AKAP6: variants seen among roughly 807,000 people sequenced by gnomAD.
AKAP6 encodes A-kinase anchor protein 6.
A neutral mutation model predicts 188.5 loss-of-function variants in AKAP6; 58 were observed. The ratio of observed to expected loss-of-function variants is 0.31; its 90% CI spans 0.25 to 0.38. The LOEUF (loss-of-function observed/expected upper bound fraction) is 0.38. AKAP6 is among the 10% of genes least tolerant of loss of function. The pLI, the probability that AKAP6 is intolerant of heterozygous loss-of-function variation, is 1.00. For missense variants in AKAP6, 2,710 were observed against 2,740.0 expected, an observed-to-expected ratio of 0.99 and a Z score of 0.24; for synonymous variants, 989 against 998.6, an observed-to-expected ratio of 0.99 and a Z score of 0.18.
At chr14:32,662,531 T>C (rs1430762876) in intron 7 of AKAP6, among the ~76,000 whole-genome samples, 1 of 152,142 alleles carries the variant, frequency 6.6e-6, no homozygotes, top group Non-Finnish European at 1.5e-5. Context: ...AACTTTTTCC[T>C]CTATTCACTA....
In AKAP6 at chr14:32,568,097, C is replaced by G. The variant is rs1174000878; in HGVS notation, c.2347-9023C>G. Among the ~76,000 whole-genome samples, 2 of 152,058 alleles carry G rather than the reference C, an allele frequency of 1.3e-5. No homozygotes were observed. Among genetic ancestry groups the G allele is most frequent in the Non-Finnish European group, 2.9e-5 (2 of 68,002 alleles). On this transcript the variant is annotated intron_variant, in intron 4 of 13. Coordinates refer to ENST00000280979, the MANE Select transcript of AKAP6 (RefSeq NM_004274.5). This position sits in a 1 kb window ranked among gnomAD's most constrained non-coding sequence, Gnocchi z 6.2. Reference sequence around the variant, plus strand: ...GAGCACAGAGTACAGGAAGAATGATCTAAAATAGGGCTCTGATAGGAATGA... The same window carrying G: ...GAGCACAGAGTACAGGAAGAATGATGTAAAATAGGGCTCTGATAGGAATGA...
intron 9 of AKAP6, among the ~76,000 whole-genome samples, chr14:32,716,552 G>A (rs1010462785): frequency 6.7e-6 from 1 of 148,716 alleles, no homozygotes; most frequent in African/African-American, 2.5e-5. Flanking sequence ...TATATACTAT[G>A]TACTCTCTCT....
rs1891378793 is a variant in AKAP6, at chr14:32,462,900, G to GC, written c.324+29084dup. Among the ~76,000 whole-genome samples the GC allele has an allele frequency of 9.9e-4, 7 of 7,038 alleles. No homozygotes were observed. The South Asian group carries it at 0.03, about 30-fold the overall frequency. The allele number at this position is 7,038 out of a possible 152,430, so 4.6% of individuals were successfully genotyped here. A position where few individuals can be genotyped will look rare whatever the true frequency, so the allele number is the denominator to read the frequency against. Reference sequence around the variant, plus strand: ...GGAATATTTACCAAGCAAATGGAAAGCAAAAAAAAAAAAAAAAAAAAAAAA... The same window carrying GC: ...GGAATATTTACCAAGCAAATGGAAAGCCAAAAAAAAAAAAAAAAAAAAAAAA... On this transcript the variant is annotated intron_variant, in intron 2 of 13. Transcript: ENST00000280979.
At chr14:32,558,249 C>T (rs908902059) in intron 4 of AKAP6, among the ~76,000 whole-genome samples, 1 of 152,116 alleles carries the variant, frequency 6.6e-6, no homozygotes, top group Non-Finnish European at 1.5e-5. Context: ...ACTGTAGAAA[C>T]TCTGAATACT....
chr14:32,592,727 G>A (rs1324538880), intron 5 of AKAP6, among the ~76,000 whole-genome samples: 1 of 152,090 alleles, frequency 6.6e-6, no homozygotes, highest in Non-Finnish European at 1.5e-5. Context: ...TTGCATTATT[G>A]CAGTATGCCA....
chr14:32,391,027 G>A (rs575549594), intron 1 of AKAP6, among the ~76,000 whole-genome samples: 1 of 152,208 alleles, frequency 6.6e-6, no homozygotes, highest in East Asian at 1.9e-4. Flanking sequence ...AGGTACCAGT[G>A]CAGGCTGCTT....
intron 12 of AKAP6, among the ~76,000 whole-genome samples, chr14:32,778,393 G>A (rs142109052): frequency 7.9e-5 from 12 of 151,668 alleles, no homozygotes; most frequent in East Asian, 1.9e-4. Flanking sequence ...GAAGTCAAAC[G>A]TATGACAACA....
intron 7 of AKAP6, among the ~76,000 whole-genome samples, chr14:32,655,363 T>C (rs1221395404): frequency 6.6e-6 from 1 of 152,200 alleles, no homozygotes; most frequent in East Asian, 1.9e-4. Context: ...TTAAACCATA[T>C]GGTATATTTG....
chr14:32,648,480 T>C (rs1888073633), intron 7 of AKAP6, among the ~76,000 whole-genome samples: 1 of 152,082 alleles, frequency 6.6e-6, no homozygotes, highest in African/African-American at 2.4e-5. Context: ...TCCTTTCTTG[T>C]TTATTACACT....
chr14:32,661,482 G>T (rs1226720093), intron 7 of AKAP6, among the ~76,000 whole-genome samples: 2 of 152,108 alleles, frequency 1.3e-5, no homozygotes, highest in Non-Finnish European at 2.9e-5. Flanking sequence ...CAGAATCAGT[G>T]TCATTCCTGG....
intron 7 of AKAP6, 84 bp from the exon 8 acceptor site, chr14:32,678,227 T>C: frequency 1.4e-6 from 2 of 1,402,788 alleles, no homozygotes; most frequent in Non-Finnish European, 1.9e-6. Context: ...TGTGAAGAAT[T>C]CCCATTCTTT....
intron 9 of AKAP6, among the ~76,000 whole-genome samples, chr14:32,701,555 C>G (rs890527349): frequency 6.6e-6 from 1 of 151,394 alleles, no homozygotes; most frequent in Non-Finnish European, 1.5e-5. Context: ...AATATAAATA[C>G]GTGTGGAATA....
intron 8 of AKAP6, among the ~76,000 whole-genome samples, chr14:32,695,660 A>C (rs960494701): frequency 6.6e-6 from 1 of 152,190 alleles, no homozygotes; most frequent in Non-Finnish European, 1.5e-5. Context: ...CAGTCTATTA[A>C]ATGGCAGTGC....
chr14:32,337,141 C>T (rs1886729669), intron 1 of AKAP6, among the ~76,000 whole-genome samples: 1 of 152,156 alleles, frequency 6.6e-6, no homozygotes, highest in Admixed American at 6.6e-5. Context: ...ATAACTGAAA[C>T]AGCAGGGGAG....
chr14:32,502,180 T>G (rs1880639505), intron 2 of AKAP6, among the ~76,000 whole-genome samples: 1 of 152,132 alleles, frequency 6.6e-6, no homozygotes, highest in African/African-American at 2.4e-5. Flanking sequence ...CTTAGAAGAA[T>G]AGTAACAGAA....
chr14:32,477,013 C>T (rs2138883147), intron 2 of AKAP6, among the ~76,000 whole-genome samples: 1 of 152,272 alleles, frequency 6.6e-6, no homozygotes, highest in South Asian at 2.1e-4. Context: ...GGAGATGAAG[C>T]TTTATCTAAA....
intron 1 of AKAP6, among the ~76,000 whole-genome samples, chr14:32,353,429 C>T (rs1236661703): frequency 4.6e-5 from 7 of 152,012 alleles, no homozygotes; most frequent in Non-Finnish European, 5.9e-5. Flanking sequence ...GGTGTGGTGG[C>T]GGGCGCCTGT....
rs143077566 is a variant in AKAP6 at position 32,640,991 on chromosome 14, T to C, written c.2731-37320T>C. Among the ~76,000 whole-genome samples, 115 of 152,278 alleles carry C rather than the reference T, an allele frequency of 7.6e-4. 1 individual carries two copies. Among genetic ancestry groups the C allele is most frequent in the Middle Eastern group, 3.4e-3 (1 of 294 alleles). ...GATGTGTTTTCATAAACTACTGCAA[T>C]TGGATGTACCACCTAGAGAATCCTC... On this transcript the variant is annotated intron_variant, in intron 7 of 13. Coordinates refer to ENST00000280979, the MANE Select transcript of AKAP6 (RefSeq NM_004274.5).
intron 2 of AKAP6, among the ~76,000 whole-genome samples, chr14:32,510,916 A>T (rs1881224227): frequency 2.6e-5 from 4 of 152,158 alleles, no homozygotes. Context: ...GGGGTCACTG[A>T]TGATCTTGAG....
Sources: gnomAD v4.1 joint callset for allele counts (sites outside exome capture counted in the v4.1 genomes callset) on GRCh38, gnomAD v4.1.1 for gene constraint, Gnocchi (gnomAD v3.1) non-coding constraint, MANE v1.5 for transcripts, NCBI Gene and HGNC (gene_info 2026-07-23, HGNC 2026-07-21) for gene names.